Variants in GLIS3 observed in about 807,000 individuals in gnomAD.
The protein encoded by GLIS3 is zinc finger protein GLIS3.
GLIS3 carries 53 observed loss-of-function variants against 78.6 expected under a neutral mutation model. The observed-to-expected ratio is 0.67, with a 90% CI of 0.54 to 0.85. The LOEUF (loss-of-function observed/expected upper bound fraction) is 0.85, where lower values mean the gene tolerates loss of function less well. Ranked by LOEUF, GLIS3 falls within the 40% of genes least tolerant of loss-of-function variation. The probability of loss-of-function intolerance (pLI) is 0.00; values close to 1 mark genes in which losing one functional copy is unlikely to be tolerated. For missense variants in GLIS3, 1,703 were observed against 1,231.1 expected, an observed-to-expected ratio of 1.38 and a Z score of -5.74; for synonymous variants, 684 against 509.9, an observed-to-expected ratio of 1.34 and a Z score of -4.60.
chr9:4,086,735 G>T (rs2185406), intron 4 of GLIS3, among the ~76,000 whole-genome samples: 57,001 of 152,054 alleles, frequency 0.37, 10,918 homozygotes, highest in Admixed American at 0.43. Context: ...AGCATGTGCC[G>T]GGCACTGTGC....
rs548530613 is a variant in GLIS3 at position 4,105,552 on chromosome 9, G to A, written c.1710+12216C>T. On this transcript the variant is annotated intron_variant, in intron 4 of 10. Transcript: ENST00000381971. The stretch of plus-strand genomic sequence containing the variant: ...TCCTTGAAAATAAATCATTGACACT[G>A]CAAATGGTCAATATGTACTCTTAAT... Among the ~76,000 whole-genome samples, 14 of 152,260 alleles carry A rather than the reference G, an allele frequency of 9.2e-5. 1 individual carries two copies. The highest frequency in any genetic ancestry group is 2.2e-4 in the African/African-American group (9 of 41,560).
In GLIS3 at chr9:4,118,648, T is replaced by C; in HGVS notation, c.830A>G (p.Glu277Gly). 2 of 1,614,082 alleles carry C rather than the reference T, an allele frequency of 1.2e-6. No individual in the cohort carries two copies. Among genetic ancestry groups the C allele is most frequent in the Non-Finnish European group, 1.7e-6 (2 of 1,179,992 alleles). ...NSLPSYLFGT[E>G]SSHSPYPSPR... ...ACTAGGGTAAGGAGAGTGGCTACTT[T>C]CCGTGCCAAAAAGGTAGGATGGTAA... The change falls in exon 4 of 11, where the codon GAA becomes GGA. Residue 277 changes from glutamate to glycine, a missense_variant. Glu to Gly is a moderately conservative substitution (Grantham distance 98, BLOSUM62 -2). Coordinates refer to ENST00000381971, the MANE Select transcript of GLIS3 (RefSeq NM_001042413.2). This position sits in a 1 kb window ranked among gnomAD's most constrained non-coding sequence, Gnocchi z 4.7.
At chr9:4,261,543 A>C (rs1490400376) in intron 2 of GLIS3, among the ~76,000 whole-genome samples, 1 of 152,170 alleles carries the variant, frequency 6.6e-6, no homozygotes, top group African/African-American at 2.4e-5. Context: ...CTGAAGGCTA[A>C]AACTGAGAAG....
chr9:3,938,371 C>T (rs1826011227), intron 4 of GLIS3, among the ~76,000 whole-genome samples: 1 of 152,172 alleles, frequency 6.6e-6, no homozygotes, highest in Non-Finnish European at 1.5e-5. Context: ...TCAAAATTAG[C>T]AGGTATAACT....
the GLIS3 span, among the ~76,000 whole-genome samples, chr9:4,398,086 G>C: frequency 9.9e-5 from 15 of 152,102 alleles, no homozygotes; most frequent in East Asian, 2.3e-3. Context: ...AAGATCTTCA[G>C]TTACTATTTC....
rs1484201328 is a variant in GLIS3, at chr9:4,125,951, A to T, written c.389-10T>A. 6.2e-7 allele frequency: 1 copy of T among 1,609,692 alleles called. No homozygotes were observed. The highest frequency in any genetic ancestry group is 8.5e-7 in the Non-Finnish European group (1 of 1,176,078). ...CCAAAGCCAAGAGCCCCTAAAAACAAATGAATCAGGTTAGCTTTCATGTCC... is the reference window on the plus strand; with the variant it reads ...CCAAAGCCAAGAGCCCCTAAAAACATATGAATCAGGTTAGCTTTCATGTCC... On this transcript the variant is annotated splice_polypyrimidine_tract_variant and intron_variant, in intron 2 of 10. Transcript: ENST00000381971.
At chr9:4,270,984 TTAAATA>T (rs1192920797) in intron 2 of GLIS3, among the ~76,000 whole-genome samples, 2 of 151,352 alleles carry the variant, frequency 1.3e-5, no homozygotes, top group Admixed American at 6.6e-5. Flanking sequence ...ACAGATTCAC[TTAAATA>T]TAAATTATTC....
chr9:4,108,907 G>A (rs1015187176), intron 4 of GLIS3, among the ~76,000 whole-genome samples: 4 of 152,128 alleles, frequency 2.6e-5, no homozygotes, highest in Non-Finnish European at 4.4e-5. Context: ...ACAACCTTGG[G>A]TGGCTCAAAC....
At chr9:3,925,141 GAAT>G (rs1443807131) in intron 6 of GLIS3, among the ~76,000 whole-genome samples, 1 of 152,122 alleles carries the variant, frequency 6.6e-6, no homozygotes, top group Non-Finnish European at 1.5e-5. Flanking sequence ...ATGTAATAAA[GAAT>G]AATACTGATC....
the GLIS3 span, among the ~76,000 whole-genome samples, chr9:4,379,224 T>C: frequency 2.6e-5 from 4 of 152,198 alleles, no homozygotes; most frequent in Admixed American, 6.5e-5. Flanking sequence ...CTCCCCTCTA[T>C]GTAAGCTCCT....
At chr9:4,426,381 T>C in the GLIS3 span, among the ~76,000 whole-genome samples, 291 of 152,350 alleles carry the variant, frequency 1.9e-3, no homozygotes, top group African/African-American at 6.6e-3. Flanking sequence ...TCTTTCCTCC[T>C]TTATCTCACA....
chr9:4,253,859 G>A (rs897367399), intron 2 of GLIS3, among the ~76,000 whole-genome samples: 3 of 152,146 alleles, frequency 2.0e-5, no homozygotes, highest in African/African-American at 7.2e-5. Context: ...GGCTAGGGGA[G>A]GGAGTTCCCT....
At chr9:4,264,895 A>T (rs1395303684) in intron 2 of GLIS3, among the ~76,000 whole-genome samples, 1 of 152,248 alleles carries the variant, frequency 6.6e-6, no homozygotes, top group Non-Finnish European at 1.5e-5. Flanking sequence ...GGCCAGGCAC[A>T]GTGGCTCACG....
intron 2 of GLIS3, among the ~76,000 whole-genome samples, chr9:4,313,247 C>G (rs1017959250): frequency 2.0e-5 from 3 of 152,196 alleles, no homozygotes; most frequent in African/African-American, 4.8e-5. Context: ...CCGCACAGCT[C>G]CATTAACTCT....
chr9:4,389,577 G>A, the GLIS3 span, among the ~76,000 whole-genome samples: 5 of 152,180 alleles, frequency 3.3e-5, no homozygotes, highest in Non-Finnish European at 5.9e-5. Flanking sequence ...GAGTTCAATA[G>A]AAGAATCTAA....
At chr9:4,249,003 C>G (rs943855408) in intron 2 of GLIS3, among the ~76,000 whole-genome samples, 10 of 152,130 alleles carry the variant, frequency 6.6e-5, no homozygotes, top group Non-Finnish European at 1.3e-4. Flanking sequence ...TATTTTGGTA[C>G]AAGTACCATG....
chr9:4,298,264 G>C (rs1816770548), intron 1 of GLIS3: 1 of 357,288 alleles, frequency 2.8e-6, no homozygotes, highest in Non-Finnish European at 5.6e-6. Flanking sequence ...GGTCCCCGCC[G>C]AGCCAGTGTC....
intron 4 of GLIS3, among the ~76,000 whole-genome samples, chr9:4,099,475 C>G (rs1363703445): frequency 6.6e-6 from 1 of 152,112 alleles, no homozygotes; most frequent in Non-Finnish European, 1.5e-5. Flanking sequence ...GTCTTTGTGT[C>G]CAACTTTCTC....
the GLIS3 span, among the ~76,000 whole-genome samples, chr9:4,403,638 T>G: frequency 6.6e-6 from 1 of 152,164 alleles, no homozygotes; most frequent in Non-Finnish European, 1.5e-5. Context: ...ATATACAGTG[T>G]TAAGTTGTCA....
Sources: allele counts gnomAD v4.1 joint callset (sites outside exome capture counted in the v4.1 genomes callset), GRCh38; gene constraint gnomAD v4.1.1; non-coding constraint Gnocchi (gnomAD v3.1); transcripts MANE v1.5; gene names NCBI Gene and HGNC (gene_info 2026-07-23, HGNC 2026-07-21).